KLHL1: variants seen among roughly 807,000 people sequenced by gnomAD.
The protein encoded by KLHL1 is kelch-like protein 1.
A neutral mutation model predicts 77.7 loss-of-function variants in KLHL1; 47 were observed. The observed-to-expected ratio is 0.60, with a 90% confidence interval of 0.48 to 0.77. The LOEUF is 0.77. KLHL1 is among the 30% of genes least tolerant of loss of function. KLHL1 has a pLI of 0.00. For synonymous variants in KLHL1, 360 were observed against 325.2 expected (o/e 1.11, Z -1.15); for missense variants, 925 against 910.8 (o/e 1.02, Z -0.20).
chr13:69,945,803 C>T (rs529470300), intron 3 of KLHL1, among the ~76,000 whole-genome samples: 29 of 152,108 alleles, frequency 1.9e-4, no homozygotes, highest in Non-Finnish European at 4.3e-4. Context: ...TCCTATGATT[C>T]AGCCATTCTG....
intron 1 of KLHL1, among the ~76,000 whole-genome samples, chr13:70,032,053 A>C (rs1886114735): frequency 6.6e-6 from 1 of 152,206 alleles, no homozygotes; most frequent in African/African-American, 2.4e-5. Flanking sequence ...TCAATAATTT[A>C]CCTTTGTGCA....
intron 7 of KLHL1, among the ~76,000 whole-genome samples, chr13:69,793,060 A>T (rs1876939148): frequency 6.6e-6 from 1 of 152,092 alleles, no homozygotes; most frequent in Non-Finnish European, 1.5e-5. Context: ...AACCAAACTA[A>T]AAGCAGAAAC....
chr13:69,788,094 A>T (rs61965332), intron 7 of KLHL1, among the ~76,000 whole-genome samples: 3 of 152,224 alleles, frequency 2.0e-5, no homozygotes, highest in Admixed American at 6.5e-5. Context: ...ATTGTGGAAG[A>T]CAGTGTGGCG....
chr13:69,789,979 A>ACAT (rs1876789936), intron 7 of KLHL1, among the ~76,000 whole-genome samples: 1 of 152,106 alleles, frequency 6.6e-6, no homozygotes, highest in South Asian at 2.1e-4. Flanking sequence ...TTCCATAGAA[A>ACAT]CATCTTTGTC....
chr13:70,075,320 A>G (rs1023890635), intron 1 of KLHL1, among the ~76,000 whole-genome samples: 8 of 151,700 alleles, frequency 5.3e-5, no homozygotes, highest in Non-Finnish European at 1.2e-4. Context: ...TAAATTAAAA[A>G]TTTGTCTGGA....
chr13:70,065,738 A>C (rs1886992630), intron 1 of KLHL1, among the ~76,000 whole-genome samples: 1 of 152,190 alleles, frequency 6.6e-6, no homozygotes, highest in Admixed American at 6.5e-5. Flanking sequence ...GAACATTTGC[A>C]GTTTTACTTT....
intron 1 of KLHL1, among the ~76,000 whole-genome samples, chr13:70,083,061 G>A (rs1887434705): frequency 1.3e-5 from 2 of 151,932 alleles, no homozygotes; most frequent in South Asian, 4.1e-4. Flanking sequence ...AATGAATTTG[G>A]TCTCTAACAA....
rs140238879 is a variant in KLHL1, at chr13:70,025,302, G to C, written c.498-49500C>G. 2.4e-3 allele frequency among the ~76,000 whole-genome samples: 371 copies of C among 152,008 alleles called. 1 individual carries two copies. The highest frequency in any genetic ancestry group is 8.4e-3 in the African/African-American group (347 of 41,490). On this transcript the variant is annotated intron_variant, in intron 1 of 10. Transcript: ENST00000377844. The stretch of plus-strand genomic sequence containing the variant: ...AAGGTGTCTACTTAACCAAAACATA[G>C]GCTGTAATTCTCAGTGGTGATCTCA...
At position 69,760,379 on chromosome 13, in the gene KLHL1, G is replaced by A. The variant is rs537567381; in HGVS notation, c.1640-19823C>T. On this transcript the variant is annotated intron_variant, in intron 7 of 10. Coordinates refer to ENST00000377844, the MANE Select transcript of KLHL1 (RefSeq NM_020866.3). ...TTATTATTATTATTATTTTGAGACG[G>A]AATTTCACTCGTTTTGCCCAGGCTG... 1.2e-3 allele frequency among the ~76,000 whole-genome samples: 179 copies of A among 151,792 alleles called. 1 individual carries two copies. Among genetic ancestry groups the A allele is most frequent in the Middle Eastern group, 3.4e-3 (1 of 294 alleles).
In KLHL1 at chr13:69,707,747, G is replaced by T; in HGVS notation, c.2065C>A (p.Pro689Thr). Residue 689 changes from proline (P) to threonine (T), a missense_variant, in exon 10 of 11, where the codon CCC becomes ACC. By Grantham distance (38) the Pro-to-Thr change is conservative. Transcript: ENST00000377844. ...TWTMVAPLSM[P>T]RDAVGVCLLG... is the part of the protein sequence containing the mutation. ...AGACAGACCCCAACAGCATCTCTGG[G>T]CATACTCAAAGGAGCCACCATGGTC... is the stretch of plus-strand genomic sequence containing the variant. The T allele has an allele frequency of 6.2e-7, 1 of 1,612,752 alleles. No homozygotes were observed. Among genetic ancestry groups the T allele is most frequent in the Non-Finnish European group, 8.5e-7 (1 of 1,179,196 alleles).
intron 7 of KLHL1, among the ~76,000 whole-genome samples, chr13:69,767,097 T>C (rs986679136): frequency 2.0e-5 from 3 of 152,186 alleles, no homozygotes; most frequent in Admixed American, 6.5e-5. Context: ...GGTGTAGATA[T>C]ATCCTACTTT....
At chr13:69,753,373 A>G (rs1234418672) in intron 7 of KLHL1, among the ~76,000 whole-genome samples, 1 of 152,196 alleles carries the variant, frequency 6.6e-6, no homozygotes, top group Non-Finnish European at 1.5e-5. Flanking sequence ...GGATGACATC[A>G]TTAGAACTGA....
intron 4 of KLHL1, among the ~76,000 whole-genome samples, chr13:69,935,043 T>C (rs1229237798): frequency 6.7e-6 from 1 of 149,350 alleles, no homozygotes; most frequent in Non-Finnish European, 1.5e-5. Context: ...TAAAGTATTA[T>C]AAAGTATACA....
At position 69,710,949 on chromosome 13, in the gene KLHL1, C is replaced by G. The variant is rs1875846743; in HGVS notation, c.2016-3153G>C. Among the ~76,000 whole-genome samples the G allele has an allele frequency of 2.0e-5, 3 of 151,950 alleles. No individual in the cohort carries two copies. In the Admixed American group the frequency reaches 2.0e-4, roughly 10 times the overall value. On this transcript the variant is annotated intron_variant, in intron 9 of 10. Coordinates refer to ENST00000377844, the MANE Select transcript of KLHL1 (RefSeq NM_020866.3). ...AGACTCTATTAAGGTTTATAGCCCT[C>G]AGGCAAAAGAAGTGCCAGTATATAG... is the stretch of plus-strand genomic sequence containing the variant.
rs766570381 is a variant in KLHL1 at position 70,029,435 on chromosome 13, T to TG, written c.498-53634dup. ...GATGTTAGCTTCAGCCAGAAAAGAG[T>TG]GGGGGCCAATATTCAACATTCTTAA... On this transcript the variant is annotated intron_variant, in intron 1 of 10. Coordinates refer to ENST00000377844, the MANE Select transcript of KLHL1 (RefSeq NM_020866.3). 4.7e-4 allele frequency among the ~76,000 whole-genome samples: 72 copies of TG among 152,042 alleles called. 1 individual carries two copies. Among genetic ancestry groups the TG allele is most frequent in the Non-Finnish European group, 7.6e-4 (52 of 68,012 alleles).
chr13:69,757,355 A>C (rs1874796263), intron 7 of KLHL1, among the ~76,000 whole-genome samples: 1 of 152,162 alleles, frequency 6.6e-6, no homozygotes, highest in Non-Finnish European at 1.5e-5. Context: ...ATTTTGACTG[A>C]TAAAATATAT....
chr13:69,945,066 A>T (rs1021617342), intron 3 of KLHL1, among the ~76,000 whole-genome samples: 4 of 142,066 alleles, frequency 2.8e-5, no homozygotes, highest in African/African-American at 1.1e-4. Context: ...GATCACTGCA[A>T]CCTCCACCTC....
In KLHL1 at chr13:69,740,392, A is replaced by G. The variant is rs1304472442; in HGVS notation, c.1802+2T>C. On this transcript the variant is annotated splice_donor_variant, in intron 8 of 10. Coordinates refer to ENST00000377844, the MANE Select transcript of KLHL1 (RefSeq NM_020866.3). LOFTEE classifies it high-confidence loss of function. ...TAAAAAATAAGAAAAAAATTTACTT[A>G]CTTGCCATTCAATGCTGCTACACCA... 6.5e-7 allele frequency: 1 copy of G among 1,535,654 alleles called. No individual in the cohort carries two copies. The highest frequency in any genetic ancestry group is 2.3e-5 in the East Asian group (1 of 44,012).
chr13:69,818,913 T>G (rs78512884), intron 6 of KLHL1, among the ~76,000 whole-genome samples: 19,067 of 152,204 alleles, frequency 0.13, 1,504 homozygotes, highest in African/African-American at 0.21. Context: ...ATTGCTTTTC[T>G]TCAGAAAAAG....
Sources: gnomAD v4.1 joint callset for allele counts (sites outside exome capture counted in the v4.1 genomes callset) on GRCh38, gnomAD v4.1.1 for gene constraint, MANE v1.5 for transcripts, NCBI Gene and HGNC (gene_info 2026-07-23, HGNC 2026-07-21) for gene names.